Variants in AAGAB observed in about 807,000 individuals in gnomAD.
AAGAB encodes alpha- and gamma-adaptin-binding protein p34.
In AAGAB, 38 loss-of-function variants were observed where a neutral mutation model predicts 44.1. The ratio of observed to expected loss-of-function variants is 0.86; its 90% confidence interval spans 0.67 to 1.13. The LOEUF (loss-of-function observed/expected upper bound fraction) is 1.13. AAGAB is among the 50% of genes most tolerant of loss of function. The pLI is 0.00. For missense variants in AAGAB, 450 were observed against 373.8 expected (o/e 1.20, Z -1.68); for synonymous variants, 131 against 131.8 (o/e 0.99, Z 0.04).
intron 5 of AAGAB, among the ~76,000 whole-genome samples, chr15:67,229,170 A>T (rs1262078489): frequency 6.6e-6 from 1 of 152,186 alleles, no homozygotes; most frequent in Non-Finnish European, 1.5e-5. Context: ...GGGGTGGCTC[A>T]CGCCTGTAAT....
chr15:67,252,690 G>T (rs917108598), intron 1 of AAGAB, among the ~76,000 whole-genome samples: 10 of 152,052 alleles, frequency 6.6e-5, no homozygotes, highest in Non-Finnish European at 1.5e-4. Flanking sequence ...AGGAGGGAAG[G>T]GAGAAAATAG....
At chr15:67,209,578 C>T in intron 5 of AAGAB, 34 bp from the exon 6 acceptor site, 1 of 1,546,420 alleles carries the variant, frequency 6.5e-7, no homozygotes, top group East Asian at 2.2e-5. Context: ...TGAAATTTGT[C>T]ATTTACATTT....
At chr15:67,210,454 T>C (rs867850967) in intron 5 of AAGAB, among the ~76,000 whole-genome samples, 1 of 150,720 alleles carries the variant, frequency 6.6e-6, no homozygotes, top group South Asian at 2.1e-4. Context: ...AGGCAGAGGT[T>C]GCAGTGATCT....
chr15:67,233,918 C>G (rs141315816), intron 4 of AAGAB, among the ~76,000 whole-genome samples: 1 of 152,082 alleles, frequency 6.6e-6, no homozygotes, highest in African/African-American at 2.4e-5. Flanking sequence ...GAATACCAAC[C>G]TGCCAACCTA....
Position 67,236,811 on chromosome 15 carries a change from C to A in AAGAB, c.83G>T (p.Gly28Val). Residue 28 changes from glycine (G) to valine (V), a missense_variant, in exon 2 of 10, where the codon GGA becomes GTA. Gly to Val is a moderately radical substitution (Grantham distance 109, BLOSUM62 -3). Transcript: ENST00000261880. ...SGDQLVQHIL[G>V]TEDLIVEVTS... The stretch of plus-strand genomic sequence containing the variant: ...CACTTCCACAATAAGATCTTCTGTT[C>A]CAAGGATATCTAAAAATAAATGACA... 1 of 1,602,006 alleles carries A rather than the reference C, an allele frequency of 6.2e-7. No homozygotes were observed. Among genetic ancestry groups the A allele is most frequent in the African/African-American group, 1.3e-5 (1 of 74,450 alleles).
chr15:67,250,945 C>T (rs992325611), intron 1 of AAGAB, among the ~76,000 whole-genome samples: 27 of 152,030 alleles, frequency 1.8e-4, no homozygotes, highest in African/African-American at 1.7e-4. Flanking sequence ...GAGAATGGCG[C>T]GAGCCCAGGA....
chr15:67,254,891 C>A (rs932015152), upstream of AAGAB: 2 of 1,613,558 alleles, frequency 1.2e-6, no homozygotes, highest in Admixed American at 3.3e-5. Flanking sequence ...GTTCCCTGAC[C>A]TAGCCATGGC....
At position 67,203,925 on chromosome 15, in the gene AAGAB, TCAAG is replaced by T. The variant is rs1394154532; in HGVS notation, c.820+115_820+118del. 18 of 688,104 alleles carry T rather than the reference TCAAG, an allele frequency of 2.6e-5. No individual in the cohort carries two copies. The Admixed American group carries it at 6.1e-4, about 23-fold the overall frequency. The allele number at this position is 688,104 out of a possible 1,614,324, so 42.6% of individuals were successfully genotyped here. ...CAAGTCCCAGGAGTAGCTAAGTTTCTCAAGACAGCTGAGACCAGAACAAGGAATC... is the reference window on the plus strand; with the variant it reads ...CAAGTCCCAGGAGTAGCTAAGTTTCTACAGCTGAGACCAGAACAAGGAATC... On this transcript the variant is annotated intron_variant, in intron 8 of 9. Transcript: ENST00000261880.
chr15:67,237,930 A>G (rs117448731), intron 1 of AAGAB, among the ~76,000 whole-genome samples: 1 of 152,340 alleles, frequency 6.6e-6, no homozygotes, highest in Non-Finnish European at 1.5e-5. Flanking sequence ...AAAAGTTGCC[A>G]TCATTTTTGC....
intron 5 of AAGAB, among the ~76,000 whole-genome samples, chr15:67,222,238 GCGCGCACACA>G (rs1309215306): frequency 1.4e-3 from 65 of 45,822 alleles, no homozygotes; most frequent in South Asian, 5.7e-3. Context: ...GCACGCGCGC[GCGCGCACACA>G]CACACACACA....
intron 1 of AAGAB, among the ~76,000 whole-genome samples, chr15:67,245,559 C>T (rs933280964): frequency 5.3e-5 from 8 of 152,052 alleles, no homozygotes; most frequent in African/African-American, 1.7e-4. Context: ...TGCACAAATC[C>T]GTAAATGTAT....
At chr15:67,211,927 T>C (rs1963830364) in intron 5 of AAGAB, among the ~76,000 whole-genome samples, 1 of 151,990 alleles carries the variant, frequency 6.6e-6, no homozygotes, top group Non-Finnish European at 1.5e-5. Flanking sequence ...TCGCCCAGGC[T>C]GGAGTGCAGT....
intron 1 of AAGAB, among the ~76,000 whole-genome samples, chr15:67,243,763 T>C (rs1321134932): frequency 4.6e-5 from 7 of 152,198 alleles, no homozygotes; most frequent in Non-Finnish European, 1.0e-4. Flanking sequence ...CTTGAAGAGC[T>C]GAAACTAGTC....
rs1156310462 is a variant in AAGAB at position 67,222,240 on chromosome 15, G to GCACACA, written c.535+9573_535+9574insTGTGTG. ...CATGCATGCACGCGCACGCGCGCGC[G>GCACACA]CGCACACACACACACACACACACAC... On this transcript the variant is annotated intron_variant, in intron 5 of 9. Coordinates refer to ENST00000261880, the MANE Select transcript of AAGAB (RefSeq NM_024666.5). Among the ~76,000 whole-genome samples, 146 of 88,266 alleles carry GCACACA rather than the reference G, an allele frequency of 1.7e-3. 1 individual carries two copies. Among genetic ancestry groups the GCACACA allele is most frequent in the African/African-American group, 4.1e-3 (124 of 29,928 alleles). 57.9% of individuals were successfully genotyped at this position (88,266 alleles called of 152,430 possible).
chr15:67,209,616 A>G (rs952268865), intron 5 of AAGAB, 72 bp from the exon 6 acceptor site: 27 of 1,175,196 alleles, frequency 2.3e-5, no homozygotes, highest in Non-Finnish European at 3.4e-5. Context: ...TATGATGATG[A>G]AACAAAGGCT....
chr15:67,207,205 C>CA (rs1963705448), intron 7 of AAGAB, among the ~76,000 whole-genome samples: 1 of 152,132 alleles, frequency 6.6e-6, no homozygotes, highest in South Asian at 2.1e-4. Flanking sequence ...AAAACAAAAA[C>CA]AAAAACACAA....
intron 1 of AAGAB, among the ~76,000 whole-genome samples, chr15:67,246,332 C>A (rs1175464078): frequency 6.8e-6 from 1 of 147,980 alleles, no homozygotes; most frequent in African/African-American, 2.5e-5. Flanking sequence ...GCGAAGGCTG[C>A]AGTGAGCCGA....
chr15:67,233,838 T>C (rs750719006), intron 4 of AAGAB, among the ~76,000 whole-genome samples: 5 of 152,194 alleles, frequency 3.3e-5, no homozygotes, highest in Admixed American at 6.5e-5. Context: ...CATATGCCCA[T>C]TGCCTACCAC....
chr15:67,205,759 C>T (rs1963671147), intron 7 of AAGAB, among the ~76,000 whole-genome samples: 1 of 152,010 alleles, frequency 6.6e-6, no homozygotes, highest in Admixed American at 6.5e-5. Context: ...AAAAGACAGA[C>T]ATGAGTGAGG....
Sources: allele counts gnomAD v4.1 joint callset (sites outside exome capture counted in the v4.1 genomes callset), GRCh38; gene constraint gnomAD v4.1.1; transcripts MANE v1.5; gene names NCBI Gene and HGNC (gene_info 2026-07-23, HGNC 2026-07-21).